The following PBX1 variants were observed in gnomAD, a reference collection of about 807,000 sequenced individuals.
PBX1 encodes pre-B-cell leukemia transcription factor 1.
In PBX1, 6 loss-of-function variants were observed where a neutral mutation model predicts 53.4. The ratio of observed to expected loss-of-function variants is 0.11; its 90% confidence interval spans 0.06 to 0.22. The LOEUF (loss-of-function observed/expected upper bound fraction) is 0.22. PBX1 is among the 10% of genes least tolerant of loss of function. The pLI is 1.00. For missense variants in PBX1, 251 were observed against 551.4 expected (o/e 0.46, Z 5.46); for synonymous variants, 204 against 212.3 (o/e 0.96, Z 0.34).
chr1:164,686,591 C>T (rs1220492466), intron 2 of PBX1, among the ~76,000 whole-genome samples: 2 of 152,182 alleles, frequency 1.3e-5, no homozygotes, highest in Non-Finnish European at 2.9e-5. Flanking sequence ...AGGGATTCCT[C>T]CTTGTGTTCA....
At chr1:164,853,242 A>G (rs1671899617), downstream of PBX1, among the ~76,000 whole-genome samples, 4 of 152,164 alleles carry the variant, frequency 2.6e-5, no homozygotes, top group Admixed American at 2.6e-4. Context: ...ACTTCCATTC[A>G]TATTCCTAAA....
chr1:164,699,842 G>A (rs1379897256), intron 2 of PBX1, among the ~76,000 whole-genome samples: 1 of 152,104 alleles, frequency 6.6e-6, no homozygotes, highest in Non-Finnish European at 1.5e-5. Flanking sequence ...TGTCGTCCCT[G>A]GCGTTGATGT....
chr1:164,821,769 A>G lies in PBX1; in HGVS notation c.1200+143A>G, dbSNP rs1457781145. 32 of 709,984 alleles carry G rather than the reference A, an allele frequency of 4.5e-5. No homozygotes were observed. The East Asian group carries it at 8.1e-4, about 18-fold the overall frequency. The allele number at this position is 709,984 out of a possible 1,614,324, so 44.0% of individuals were successfully genotyped here. A position where few individuals can be genotyped will look rare whatever the true frequency, so the allele number is the denominator to read the frequency against. ...CTAGTTTCTTGTTTCTGTATCGGTCATGCCATCGGCAGCATTCTACCCACA... is the reference window on the plus strand; with the variant it reads ...CTAGTTTCTTGTTTCTGTATCGGTCGTGCCATCGGCAGCATTCTACCCACA... On this transcript the variant is annotated intron_variant, in intron 8 of 8. Coordinates refer to ENST00000420696, the MANE Select transcript of PBX1 (RefSeq NM_002585.4).
intron 2 of PBX1, among the ~76,000 whole-genome samples, chr1:164,681,725 AC>A (rs1410192047): frequency 3.3e-5 from 5 of 152,232 alleles, no homozygotes; most frequent in African/African-American, 1.2e-4. Context: ...CCTATGAGGT[AC>A]TATGCTTATT....
chr1:164,793,338 A>G (rs966146826), intron 3 of PBX1, among the ~76,000 whole-genome samples: 22 of 152,170 alleles, frequency 1.4e-4, no homozygotes, highest in African/African-American at 4.3e-4. Flanking sequence ...TAAAAAGGGT[A>G]GGAGGTTCAG....
rs554001215 is a variant in PBX1, at chr1:164,640,556, GTGT to G, written c.265+77247_265+77249del. 9.4e-3 allele frequency among the ~76,000 whole-genome samples: 287 copies of G among 30,684 alleles called. 12 individuals carry two copies. Among genetic ancestry groups the G allele is most frequent in the Non-Finnish European group, 0.022 (192 of 8,902 alleles). 20.1% of individuals were successfully genotyped at this position (30,684 alleles called of 152,430 possible). Reference sequence around the variant, plus strand: ...CCTCGTTTTTTGGTGTTTTTTTTTTGTGTTTTTTTTTTTTTTTTTAGACGAAAT... The same window carrying G: ...CCTCGTTTTTTGGTGTTTTTTTTTTGTTTTTTTTTTTTTTTTAGACGAAAT... On this transcript the variant is annotated intron_variant, in intron 2 of 8. Coordinates refer to ENST00000420696, the MANE Select transcript of PBX1 (RefSeq NM_002585.4).
chr1:164,635,396 T>G (rs1658697852), intron 2 of PBX1, among the ~76,000 whole-genome samples: 1 of 152,304 alleles, frequency 6.6e-6, no homozygotes, highest in Admixed American at 6.5e-5. Context: ...GAGGCCTTTC[T>G]CAGTGCGACT....
chr1:164,868,977 A>T lies in PBX1; in HGVS notation n.258-30211A>T, dbSNP rs143876885. Among the ~76,000 whole-genome samples the T allele has an allele frequency of 2.4e-3, 372 of 152,302 alleles. 1 individual carries two copies. The highest frequency in any genetic ancestry group is 8.8e-3 in the African/African-American group (366 of 41,568). The stretch of plus-strand genomic sequence containing the variant: ...CAGGGCCCATTGCTGACAGGAGAGG[A>T]GGTTTCTCCCGGCCTTTGGCAGATG... On this transcript the variant is annotated intron_variant and non_coding_transcript_variant, in intron 2 of 2. Coordinates refer to the PBX1 transcript ENST00000558796.
intron 2 of PBX1, among the ~76,000 whole-genome samples, chr1:164,701,129 C>T (rs530107291): frequency 1.4e-4 from 21 of 152,058 alleles, no homozygotes; most frequent in African/African-American, 4.1e-4. Flanking sequence ...AGACTCTTTG[C>T]CTTTTTGCAT....
At chr1:164,734,960 C>T (rs1249649775) in intron 2 of PBX1, among the ~76,000 whole-genome samples, 1 of 152,150 alleles carries the variant, frequency 6.6e-6, no homozygotes, top group African/African-American at 2.4e-5. Flanking sequence ...AAGAATACTC[C>T]AAATGCTTCT....
chr1:164,833,935 C>A (rs1308184743), intron 8 of PBX1, among the ~76,000 whole-genome samples: 2 of 148,746 alleles, frequency 1.3e-5, no homozygotes, highest in Admixed American at 6.7e-5. Flanking sequence ...CCATCTTTTA[C>A]CTCCAACTTA....
rs1249217854 is a variant in PBX1 at position 164,559,881 on chromosome 1, C to G, written c.59C>G (p.Pro20Arg). Residue 20 changes from proline (P) to arginine (R), a missense_variant, in exon 1 of 9, where the codon CCC (proline) becomes CGC (arginine). Around this residue, in one of 4 missense-constraint regions of PBX1, gnomAD observed 63 missense variants for 78.7 expected, o/e 0.80. Transcript: ENST00000420696. Reference sequence around the variant, plus strand: ...GCTGGGGTCGGGATGGCCGGACACCCCGGCCTGTCCCAGCACTTGCAGGAT... The same window carrying G: ...GCTGGGGTCGGGATGGCCGGACACCGCGGCCTGTCCCAGCACTTGCAGGAT... The part of the protein sequence containing the change: ...SHAGVGMAGH[P>R]GLSQHLQDGA... 6.4e-7 allele frequency: 1 copy of G among 1,550,888 alleles called. No individual in the cohort carries two copies. Among genetic ancestry groups the G allele is most frequent in the Non-Finnish European group, 8.7e-7 (1 of 1,146,818 alleles).
At chr1:164,563,744 A>T (rs1225636558) in intron 2 of PBX1, among the ~76,000 whole-genome samples, 1 of 152,104 alleles carries the variant, frequency 6.6e-6, no homozygotes. Flanking sequence ...TCTTGTAATT[A>T]CACAAAGCAG....
At chr1:164,620,883 G>A (rs1226294453) in intron 2 of PBX1, among the ~76,000 whole-genome samples, 2 of 152,008 alleles carry the variant, frequency 1.3e-5, no homozygotes, top group African/African-American at 4.8e-5. Flanking sequence ...GGGTTTCACT[G>A]TGTTGGCCAG....
At chr1:164,823,283 TG>T (rs985650194) in intron 8 of PBX1, among the ~76,000 whole-genome samples, 38 of 152,324 alleles carry the variant, frequency 2.5e-4, no homozygotes, top group East Asian at 1.7e-3. Context: ...GAAGCCATTG[TG>T]GGAAAGTGTA....
At chr1:164,641,395 G>C (rs907078343) in intron 2 of PBX1, 11 of 153,084 alleles carry the variant, frequency 7.2e-5, no homozygotes, top group African/African-American at 2.7e-4. Context: ...GTCTGGGCCA[G>C]TAAAGCCACC....
chr1:164,842,676 A>G (rs1358903345), intron 8 of PBX1, among the ~76,000 whole-genome samples: 1 of 152,162 alleles, frequency 6.6e-6, no homozygotes, highest in South Asian at 2.1e-4. Flanking sequence ...AATTACCTAT[A>G]TAAAACTGAG....
chr1:164,633,244 G>C (rs1170183351), intron 2 of PBX1, among the ~76,000 whole-genome samples: 1 of 151,908 alleles, frequency 6.6e-6, no homozygotes, highest in Non-Finnish European at 1.5e-5. Flanking sequence ...CTGCCTCCTG[G>C]GTTCAAGCAA....
At chr1:164,845,424 A>G (rs981808223) in intron 8 of PBX1, among the ~76,000 whole-genome samples, 10 of 151,420 alleles carry the variant, frequency 6.6e-5, no homozygotes, top group Non-Finnish European at 1.5e-5. Flanking sequence ...CAAATTTTTC[A>G]GAGAATGAGA....
Sources: allele counts gnomAD v4.1 joint callset (sites outside exome capture counted in the v4.1 genomes callset), GRCh38; gene constraint gnomAD v4.1.1; regional missense constraint gnomAD v4.1.1; transcripts MANE v1.5; gene names NCBI Gene and HGNC (gene_info 2026-07-23, HGNC 2026-07-21).